The following GPC5 variants were observed in gnomAD, a reference collection of about 807,000 sequenced individuals.
GPC5 encodes glypican 5.
A neutral mutation model predicts 53.9 loss-of-function variants in GPC5; 47 were observed. The observed-to-expected ratio is 0.87, with a 90% CI of 0.69 to 1.11. GPC5 has a LOEUF of 1.11. GPC5 is among the 50% of genes most tolerant of loss of function. GPC5 has a pLI of 0.00. For missense variants in GPC5, 748 were observed against 713.1 expected, an observed-to-expected ratio of 1.05 and a Z score of -0.56; for synonymous variants, 286 against 263.3, an observed-to-expected ratio of 1.09 and a Z score of -0.84.
At chr13:92,766,483 GTTCT>G (rs1468626806) in intron 7 of GPC5, among the ~76,000 whole-genome samples, 1 of 152,112 alleles carries the variant, frequency 6.6e-6, no homozygotes, top group African/African-American at 2.4e-5. Flanking sequence ...TCCTTCATGA[GTTCT>G]TTGTTTTCTG....
At chr13:92,509,877 A>G (rs999767315) in intron 7 of GPC5, 1 of 152,188 alleles carries the variant, frequency 6.6e-6, no homozygotes, top group African/African-American at 2.4e-5. Flanking sequence ...CTGCTAGAAA[A>G]TATAATACTT....
chr13:91,959,376 G>A (rs2040105879), intron 6 of GPC5, among the ~76,000 whole-genome samples: 1 of 151,814 alleles, frequency 6.6e-6, no homozygotes, highest in African/African-American at 2.4e-5. Flanking sequence ...GACTAATAAT[G>A]AGTGATGAGA....
intron 1 of GPC5, among the ~76,000 whole-genome samples, chr13:91,443,803 AC>A (rs1424900957): frequency 6.6e-6 from 1 of 152,184 alleles, no homozygotes; most frequent in East Asian, 1.9e-4. Context: ...TCATGTTGGT[AC>A]TTATAATTCA....
chr13:91,989,258 A>G (rs748929227), intron 6 of GPC5, among the ~76,000 whole-genome samples: 7 of 152,188 alleles, frequency 4.6e-5, no homozygotes, highest in Non-Finnish European at 8.8e-5. Context: ...TGTTAAAGAA[A>G]CATGATATAA....
At chr13:92,264,879 TG>T (rs2042792182) in intron 7 of GPC5, among the ~76,000 whole-genome samples, 1 of 10,332 alleles carries the variant, frequency 9.7e-5, no homozygotes, top group African/African-American at 5.9e-4. Flanking sequence ...TCTCTCTCTC[TG>T]TGTGTGTGTG....
chr13:91,421,490 C>T (rs1457591134), intron 1 of GPC5, among the ~76,000 whole-genome samples: 1 of 152,092 alleles, frequency 6.6e-6, no homozygotes, highest in African/African-American at 2.4e-5. Flanking sequence ...CCTTCCTCAT[C>T]CTCCAAGTGA....
intron 6 of GPC5, among the ~76,000 whole-genome samples, chr13:91,954,714 T>C (rs2139065247): frequency 6.6e-6 from 1 of 152,202 alleles, no homozygotes; most frequent in Non-Finnish European, 1.5e-5. Flanking sequence ...GTACTAATTC[T>C]GTTCCATAAT....
At chr13:92,267,788 C>G (rs1289639518) in intron 7 of GPC5, among the ~76,000 whole-genome samples, 1 of 152,042 alleles carries the variant, frequency 6.6e-6, no homozygotes, top group Non-Finnish European at 1.5e-5. Flanking sequence ...GACTACAGTA[C>G]AGAATTGGGT....
intron 2 of GPC5, among the ~76,000 whole-genome samples, chr13:91,541,493 C>T (rs928192724): frequency 2.0e-5 from 3 of 152,032 alleles, no homozygotes; most frequent in African/African-American, 7.2e-5. Flanking sequence ...CAAGTAAGTG[C>T]CAATACCACA....
intron 7 of GPC5, among the ~76,000 whole-genome samples, chr13:92,182,746 G>T (rs2042156005): frequency 6.6e-6 from 1 of 152,050 alleles, no homozygotes; most frequent in African/African-American, 2.4e-5. Context: ...GTGGGCGCCT[G>T]CAGTCCCAGC....
At chr13:92,863,799 A>G (rs1879258153) in intron 7 of GPC5, among the ~76,000 whole-genome samples, 1 of 151,988 alleles carries the variant, frequency 6.6e-6, no homozygotes, top group Admixed American at 6.6e-5. Flanking sequence ...GGCCTACCAT[A>G]TTTCATAGCA....
chr13:92,229,547 C>T (rs1011304815), intron 7 of GPC5, among the ~76,000 whole-genome samples: 19 of 152,066 alleles, frequency 1.2e-4, no homozygotes, highest in African/African-American at 4.6e-4. Flanking sequence ...GGTTATTGTT[C>T]CAGAAATTTT....
chr13:92,642,466 C>A (rs897162582), intron 7 of GPC5, among the ~76,000 whole-genome samples: 1 of 152,150 alleles, frequency 6.6e-6, no homozygotes, highest in East Asian at 1.9e-4. Context: ...CATGGTAGTC[C>A]ATTGGTGTCT....
intron 7 of GPC5, among the ~76,000 whole-genome samples, chr13:92,604,525 C>T (rs2139085849): frequency 6.6e-6 from 1 of 152,282 alleles, no homozygotes; most frequent in African/African-American, 2.4e-5. Context: ...AGTTAACCCT[C>T]TTAAAAGTGG....
intron 7 of GPC5, among the ~76,000 whole-genome samples, chr13:92,283,205 A>G (rs1199237847): frequency 1.3e-5 from 2 of 152,228 alleles, no homozygotes; most frequent in African/African-American, 2.4e-5. Context: ...TCCTAAATAT[A>G]TATGCACCCA....
At chr13:92,642,058 A>G (rs1431354285) in intron 7 of GPC5, among the ~76,000 whole-genome samples, 1 of 151,924 alleles carries the variant, frequency 6.6e-6, no homozygotes, top group East Asian at 1.9e-4. Flanking sequence ...TGTTGACAGA[A>G]AAAAAAATAT....
chr13:92,381,966 C>G (rs9589531), intron 7 of GPC5, among the ~76,000 whole-genome samples: 89,237 of 115,044 alleles, frequency 0.78, 32,131 homozygotes, highest in East Asian at 0.83. Flanking sequence ...ATGTATGTAT[C>G]TATCTATCTA....
At chr13:92,408,026 G>T (rs1025774735) in intron 7 of GPC5, among the ~76,000 whole-genome samples, 5 of 152,152 alleles carry the variant, frequency 3.3e-5, no homozygotes, top group Middle Eastern at 3.2e-3. Context: ...CTGATCCGTG[G>T]CCCATGGCCT....
At chr13:91,776,041 A>G (rs1226752574) in intron 5 of GPC5, among the ~76,000 whole-genome samples, 4 of 152,162 alleles carry the variant, frequency 2.6e-5, no homozygotes, top group Admixed American at 2.6e-4. Context: ...AAATATGGGA[A>G]TGAGGGGTAC....
Sources: gnomAD v4.1 joint callset for allele counts (sites outside exome capture counted in the v4.1 genomes callset) on GRCh38, gnomAD v4.1.1 for gene constraint, MANE v1.5 for transcripts, NCBI Gene and HGNC (gene_info 2026-07-23, HGNC 2026-07-21) for gene names.